SPAG16: variants seen among roughly 807,000 people sequenced by gnomAD.
SPAG16 encodes sperm associated antigen 16, also known as sperm-associated antigen 16 protein.
In SPAG16, 86 loss-of-function variants were observed where a neutral mutation model predicts 80.4. The observed-to-expected ratio is 1.07, with a 90% CI of 0.90 to 1.28. The LOEUF (loss-of-function observed/expected upper bound fraction) is 1.28, where lower values mean the gene tolerates loss of function less well. SPAG16 is among the 50% of genes most tolerant of loss of function. The pLI is 0.00. For synonymous variants in SPAG16, 294 were observed against 265.9 expected (o/e 1.11, Z -1.03); for missense variants, 870 against 765.3 (o/e 1.14, Z -1.61).
chr2:214,293,169 C>T (rs1362698055), intron 15 of SPAG16, among the ~76,000 whole-genome samples: 1 of 152,164 alleles, frequency 6.6e-6, no homozygotes, highest in Non-Finnish European at 1.5e-5. Flanking sequence ...GTAGTGGCAG[C>T]AGTAGGCCAG....
intron 9 of SPAG16, among the ~76,000 whole-genome samples, chr2:213,409,421 CAAGTTGT>C (rs2068840034): frequency 6.6e-6 from 1 of 152,080 alleles, no homozygotes. Flanking sequence ...AAGGTTTAAG[CAAGTTGT>C]AAAACGTTAA....
At chr2:214,257,835 G>T (rs1690808679) in intron 15 of SPAG16, among the ~76,000 whole-genome samples, 1 of 151,934 alleles carries the variant, frequency 6.6e-6, no homozygotes, top group Non-Finnish European at 1.5e-5. Context: ...AAACCAACTG[G>T]GAAGTGTTCT....
At chr2:214,033,072 T>C (rs564284596) in intron 13 of SPAG16, among the ~76,000 whole-genome samples, 89 of 152,306 alleles carry the variant, frequency 5.8e-4, no homozygotes, top group African/African-American at 1.8e-3. Context: ...ATCGTTTTCC[T>C]GCAATTATTG....
At chr2:214,195,335 A>AGATAGATAGATAGATAGATAGATG (rs1553522804) in intron 15 of SPAG16, among the ~76,000 whole-genome samples, 12 of 151,884 alleles carry the variant, frequency 7.9e-5, no homozygotes, top group Admixed American at 6.6e-4. Context: ...ATAGATAGAT[A>AGATAGATAGATAGATAGATAGATG]TTTGAGAGAT....
chr2:214,211,573 A>G (rs1222362970), intron 15 of SPAG16, among the ~76,000 whole-genome samples: 1 of 152,126 alleles, frequency 6.6e-6, no homozygotes, highest in African/African-American at 2.4e-5. Flanking sequence ...AGTTTGGTAG[A>G]AGTGCTATGT....
intron 10 of SPAG16, among the ~76,000 whole-genome samples, chr2:213,713,477 C>G (rs1019351440): frequency 6.6e-6 from 1 of 152,140 alleles, no homozygotes; most frequent in Non-Finnish European, 1.5e-5. Context: ...TTAGGAATAA[C>G]AAATGAGGTC....
chr2:213,892,819 A>G (rs2106086289), intron 11 of SPAG16, among the ~76,000 whole-genome samples: 1 of 152,280 alleles, frequency 6.6e-6, no homozygotes, highest in East Asian at 1.9e-4. Flanking sequence ...GTACCTCAGA[A>G]GACTAAATTT....
chr2:213,930,190 A>G (rs760558310), intron 12 of SPAG16, 45 bp downstream of exon 12: 2 of 1,440,328 alleles, frequency 1.4e-6, no homozygotes, highest in East Asian at 2.4e-5. Flanking sequence ...GCTGATACAT[A>G]TACGTGGGTA....
At chr2:213,707,622 G>A (rs2065814977) in intron 10 of SPAG16, among the ~76,000 whole-genome samples, 1 of 152,064 alleles carries the variant, frequency 6.6e-6, no homozygotes, top group Admixed American at 6.6e-5. Context: ...ATGTATATAT[G>A]TCATTCTGCC....
At chr2:213,343,496 T>C (rs1159892075) in intron 6 of SPAG16, among the ~76,000 whole-genome samples, 4 of 152,060 alleles carry the variant, frequency 2.6e-5, no homozygotes, top group Non-Finnish European at 2.9e-5. Flanking sequence ...TCTATAGATA[T>C]ATCTAGAAGC....
intron 12 of SPAG16, among the ~76,000 whole-genome samples, chr2:213,944,027 A>G (rs2079331922): frequency 6.6e-6 from 1 of 152,336 alleles, no homozygotes; most frequent in East Asian, 1.9e-4. Flanking sequence ...ATGACCCTCA[A>G]GTCATTTTCA....
At chr2:214,352,558 C>CTCTCTGTGTGTGTGTGTG (rs796885924) in intron 15 of SPAG16, among the ~76,000 whole-genome samples, 21 of 142,548 alleles carry the variant, frequency 1.5e-4, no homozygotes, top group South Asian at 6.5e-4. Context: ...CTTTTTTTCT[C>CTCTCTGTGTGTGTGTGTG]TGTGTGTGTG....
intron 13 of SPAG16, among the ~76,000 whole-genome samples, chr2:214,063,388 C>G (rs2050377282): frequency 6.6e-6 from 1 of 152,086 alleles, no homozygotes; most frequent in Admixed American, 6.6e-5. Flanking sequence ...AGTCCAAGAT[C>G]AAGGTGCTGG....
At chr2:213,588,885 G>T (rs2060579646) in intron 10 of SPAG16, among the ~76,000 whole-genome samples, 1 of 143,370 alleles carries the variant, frequency 7.0e-6, no homozygotes, top group Admixed American at 7.1e-5. Flanking sequence ...GAGTAGCAAG[G>T]TGTCAGAAAG....
chr2:214,103,756 G>GA (rs1189832726), intron 13 of SPAG16, among the ~76,000 whole-genome samples: 3 of 151,858 alleles, frequency 2.0e-5, no homozygotes, highest in African/African-American at 7.2e-5. Flanking sequence ...TACTCAGAGA[G>GA]AAGACTGTTT....
At chr2:214,251,774 T>A (rs1690310685) in intron 15 of SPAG16, among the ~76,000 whole-genome samples, 1 of 152,158 alleles carries the variant, frequency 6.6e-6, no homozygotes, top group Non-Finnish European at 1.5e-5. Flanking sequence ...TGTTTGCATC[T>A]GTTTTTTAGT....
intron 5 of SPAG16, among the ~76,000 whole-genome samples, chr2:213,319,499 A>G (rs954576965): frequency 1.3e-5 from 2 of 151,948 alleles, no homozygotes; most frequent in African/African-American, 4.8e-5. Context: ...TACTAGAACC[A>G]GTGTTCTCTC....
At chr2:213,842,991 A>G (rs1235925547) in intron 10 of SPAG16, among the ~76,000 whole-genome samples, 1 of 152,100 alleles carries the variant, frequency 6.6e-6, no homozygotes, top group African/African-American at 2.4e-5. Flanking sequence ...GCTGGTTTTG[A>G]ACACCTATAC....
intron 9 of SPAG16, among the ~76,000 whole-genome samples, chr2:213,395,134 T>G (rs565009646): frequency 6.6e-6 from 1 of 152,340 alleles, no homozygotes; most frequent in Non-Finnish European, 1.5e-5. Context: ...TCAGTCTTGC[T>G]ATATAGCAAT....
Sources: gnomAD v4.1 joint callset for allele counts (sites outside exome capture counted in the v4.1 genomes callset) on GRCh38, gnomAD v4.1.1 for gene constraint, MANE v1.5 for transcripts, NCBI Gene and HGNC (gene_info 2026-07-23, HGNC 2026-07-21) for gene names.